The following SLC12A7 variants were observed in gnomAD, a reference collection of about 807,000 sequenced individuals.
SLC12A7 encodes the protein K-Cl cotransporter 4.
Under a neutral mutation model 120.6 loss-of-function variants are expected in SLC12A7, and 100 were observed. The ratio of observed to expected loss-of-function variants is 0.83; its 90% CI spans 0.71 to 0.98. The LOEUF (loss-of-function observed/expected upper bound fraction) is 0.98, where lower values mean the gene tolerates loss of function less well. SLC12A7 is among the 50% of genes least tolerant of loss of function. SLC12A7 has a pLI of 0.00. For synonymous variants in SLC12A7, 760 were observed against 678.0 expected (o/e 1.12, Z -1.88); for missense variants, 1,373 against 1,548.1 (o/e 0.89, Z 1.90).
At chr5:1,081,854 C>T in intron 8 of SLC12A7, 110 bp from the exon 9 acceptor site, 1 of 1,326,250 alleles carries the variant, frequency 7.5e-7, no homozygotes, top group Non-Finnish European at 1.0e-6. Flanking sequence ...GGGGAAGGGT[C>T]ACAGCTTGTG....
chr5:1,073,352 T>TTACG (rs1737914963), intron 17 of SLC12A7, among the ~76,000 whole-genome samples: 1 of 152,192 alleles, frequency 6.6e-6, no homozygotes, highest in African/African-American at 2.4e-5. Context: ...AGAACCATGA[T>TTACG]TACGGCTCTG....
intron 1 of SLC12A7, among the ~76,000 whole-genome samples, chr5:1,110,962 G>T (rs754242044): frequency 8.5e-5 from 13 of 152,246 alleles, no homozygotes; most frequent in Admixed American, 8.5e-4. Context: ...AGGATCTGGG[G>T]TCTGGCACCG....
At chr5:1,053,715 C>T (rs1735302384) in intron 22 of SLC12A7, among the ~76,000 whole-genome samples, 1 of 152,220 alleles carries the variant, frequency 6.6e-6, no homozygotes, top group African/African-American at 2.4e-5. Flanking sequence ...CTCCAGGGAC[C>T]TAGAACTCAG....
At chr5:1,129,784 C>T in the SLC12A7 span, among the ~76,000 whole-genome samples, 2 of 152,348 alleles carry the variant, frequency 1.3e-5, no homozygotes, top group African/African-American at 2.4e-5. Context: ...CTGAGATTAC[C>T]GTTCAGAAGC....
chr5:1,076,622 C>A, intron 13 of SLC12A7, 72 bp downstream of exon 13: 2 of 1,119,728 alleles, frequency 1.8e-6, no homozygotes, highest in Non-Finnish European at 2.6e-6. Flanking sequence ...CTGAGCAGGA[C>A]CTCCCATCCA....
chr5:1,140,034 G>A, the SLC12A7 span, among the ~76,000 whole-genome samples: 1 of 152,192 alleles, frequency 6.6e-6, no homozygotes, highest in Non-Finnish European at 1.5e-5. Flanking sequence ...CTGTCTCCCA[G>A]AGCATCCCAG....
upstream of SLC12A7, among the ~76,000 whole-genome samples, chr5:1,113,560 G>A (rs1466857929): frequency 6.6e-6 from 1 of 152,126 alleles, no homozygotes; most frequent in African/African-American, 2.4e-5. Flanking sequence ...CTCTGGCCTG[G>A]GTGTCTGGAG....
rs914062353 is a variant in SLC12A7, at chr5:1,094,359, C to G, written c.125-111G>C. ...CTCTGGTCCCCACCAGCTGTCACCT[C>G]TAAACCATGGCTAAGGGTGATACTT... is the stretch of plus-strand genomic sequence containing the variant. On this transcript the variant is annotated intron_variant, in intron 1 of 23. Transcript: ENST00000264930. 1.4e-5 allele frequency: 11 copies of G among 768,812 alleles called. No individual in the cohort carries two copies. In the African/African-American group the frequency reaches 1.9e-4, roughly 13 times the overall value. The allele number at this position is 768,812 out of a possible 1,614,324, so 47.6% of individuals were successfully genotyped here.
At chr5:1,111,419 C>T (rs1742995440) in intron 1 of SLC12A7, among the ~76,000 whole-genome samples, 1 of 152,072 alleles carries the variant, frequency 6.6e-6, no homozygotes. Context: ...GGGGGCAGGA[C>T]GGGCCGGCCC....
intron 6 of SLC12A7, 86 bp downstream of exon 6, chr5:1,086,817 G>A: frequency 6.5e-7 from 1 of 1,539,168 alleles, no homozygotes; most frequent in Non-Finnish European, 8.9e-7. Context: ...AGTGTGCTGT[G>A]TGTGCCACAG....
chr5:1,085,042 T>G (rs1462271173), intron 7 of SLC12A7, among the ~76,000 whole-genome samples, 190 bp downstream of exon 7: 4 of 152,124 alleles, frequency 2.6e-5, no homozygotes, highest in Non-Finnish European at 4.4e-5. Flanking sequence ...CGAGGGTACC[T>G]CGGCCCACCT....
At chr5:1,068,963 G>A (rs1486119494) in intron 17 of SLC12A7, among the ~76,000 whole-genome samples, 5 of 152,254 alleles carry the variant, frequency 3.3e-5, no homozygotes, top group Non-Finnish European at 5.9e-5. Flanking sequence ...CCAACTCCGG[G>A]ATTCCTCCTA....
At position 1,088,368 on chromosome 5, in the gene SLC12A7, AAGAC is replaced by A. The variant is rs1740122283; in HGVS notation, c.490-12_490-9del. On this transcript the variant is annotated splice_polypyrimidine_tract_variant and intron_variant, in intron 4 of 23. Coordinates refer to ENST00000264930, the MANE Select transcript of SLC12A7 (RefSeq NM_006598.3). ...AATGGCGGTCAGCATTGTCTGCAAA[AAGAC>A]AGGCAGCCATCTGAGGAGAGTTTTC... 6.4e-7 allele frequency: 1 copy of A among 1,573,208 alleles called. No homozygotes were observed. Among genetic ancestry groups the A allele is most frequent in the East Asian group, 2.3e-5 (1 of 43,542 alleles).
intron 17 of SLC12A7, among the ~76,000 whole-genome samples, chr5:1,069,724 C>T (rs371609187): frequency 5.4e-4 from 82 of 152,164 alleles, no homozygotes; most frequent in African/African-American, 1.5e-3. Flanking sequence ...CTCCAGGTGA[C>T]GTGACGTGAC....
chr5:1,133,979 C>T, the SLC12A7 span, among the ~76,000 whole-genome samples: 12 of 152,124 alleles, frequency 7.9e-5, no homozygotes, highest in African/African-American at 2.4e-4. Flanking sequence ...AGAGAGGGAG[C>T]TTGATTGTGC....
At chr5:1,098,122 CCCTCTGCAAGCCCAGCCCCCACAA>C in intron 1 of SLC12A7, among the ~76,000 whole-genome samples, 1 of 126,784 alleles carries the variant, frequency 7.9e-6, no homozygotes, top group African/African-American at 3.2e-5. Context: ...CCCCCTCTAA[CCCTCTGCAAGCCCAGCCCCCACAA>C]CCCTCTGCAA....
chr5:1,061,044 C>CTG lies in SLC12A7; in HGVS notation c.2740-594_2740-593insCA, dbSNP rs1736159949. On this transcript the variant is annotated intron_variant, in intron 20 of 23. Transcript: ENST00000264930. ...CCCGCCGCACCCGCCGTGCGGGATC[C>CTG]CTGAGTCTCACCCGCCGCACCCGCC... Among the ~76,000 whole-genome samples the CTG allele has an allele frequency of 1.3e-4, 18 of 139,892 alleles. 1 individual carries two copies. The highest frequency in any genetic ancestry group is 4.6e-4 in the African/African-American group (17 of 36,664). 91.8% of individuals were successfully genotyped at this position (139,892 alleles called of 152,430 possible). A position where few individuals can be genotyped will look rare whatever the true frequency, so the allele number is the denominator to read the frequency against.
chr5:1,053,649 G>A (rs940571085), intron 22 of SLC12A7, among the ~76,000 whole-genome samples, 167 bp from the exon 23 acceptor site: 4 of 152,362 alleles, frequency 2.6e-5, no homozygotes, highest in Non-Finnish European at 4.4e-5. Context: ...TGGCGGCTCC[G>A]AGCGAAAGGC....
At chr5:1,064,900 C>CGGTGAGGGGA (rs1479550577) in intron 18 of SLC12A7, among the ~76,000 whole-genome samples, 2 of 138,128 alleles carry the variant, frequency 1.4e-5, no homozygotes, top group African/African-American at 2.8e-5. Context: ...GGTGAGGGGA[C>CGGTGAGGGGA]CGCGAGGGGA....
Sources: allele counts gnomAD v4.1 joint callset (sites outside exome capture counted in the v4.1 genomes callset), GRCh38; gene constraint gnomAD v4.1.1; transcripts MANE v1.5; gene names NCBI Gene and HGNC (gene_info 2026-07-23, HGNC 2026-07-21).